LRRK1: variants seen among roughly 807,000 people sequenced by gnomAD.
LRRK1 encodes leucine-rich repeat serine/threonine-protein kinase 1.
LRRK1 carries 113 observed loss-of-function variants against 209.1 expected under a neutral mutation model. That is an observed-to-expected ratio of 0.54 (90% CI 0.46 to 0.63). The LOEUF (loss-of-function observed/expected upper bound fraction) is 0.63. Ranked by LOEUF, LRRK1 falls within the 30% of genes least tolerant of loss-of-function variation. The probability of loss-of-function intolerance (pLI) is 0.00; values close to 1 mark genes in which losing one functional copy is unlikely to be tolerated. For missense variants in LRRK1, 2,284 were observed against 2,632.2 expected (o/e 0.87, Z 2.89); for synonymous variants, 1,144 against 1,099.7 (o/e 1.04, Z -0.80).
intron 2 of LRRK1, among the ~76,000 whole-genome samples, chr15:100,936,079 A>G (rs147911615): frequency 0.01 from 1,562 of 152,246 alleles, 21 homozygotes; most frequent in African/African-American, 0.036. Flanking sequence ...AATAGACTCT[A>G]CCTCCTGGTG....
chr15:100,995,063 G>A (rs2032337819), intron 6 of LRRK1, among the ~76,000 whole-genome samples: 1 of 152,202 alleles, frequency 6.6e-6, no homozygotes, highest in South Asian at 2.1e-4. Context: ...CTGTGACCTT[G>A]TTGAAGTAAC....
At chr15:100,988,375 C>T (rs565345246) in intron 4 of LRRK1, among the ~76,000 whole-genome samples, 32 of 152,248 alleles carry the variant, frequency 2.1e-4, no homozygotes, top group Admixed American at 1.5e-3. Context: ...TTTAGCTCCC[C>T]CTTATAAGTG....
chr15:100,973,928 G>A lies in LRRK1; in HGVS notation c.222G>A (p.Leu74=), dbSNP rs749118732. ...RGDRGGARDL[L]EEACDQCASQ... The stretch of plus-strand genomic sequence containing the variant: ...ACCGCGGCGGCGCCCGGGACCTGCT[G>A]GAGGAGGCCTGCGACCAGTGCGCGT... The change falls in exon 3 of 34, where the codon CTG becomes CTA. Residue 74 remains leucine, a synonymous_variant. Coordinates refer to ENST00000388948, the MANE Select transcript of LRRK1 (RefSeq NM_024652.6). 3.2e-6 allele frequency: 4 copies of A among 1,263,308 alleles called. No individual in the cohort carries two copies. The highest frequency in any genetic ancestry group is 1.5e-5 in the African/African-American group (1 of 64,674). 78.3% of individuals were successfully genotyped at this position (1,263,308 alleles called of 1,614,324 possible).
intron 2 of LRRK1, among the ~76,000 whole-genome samples, chr15:100,964,125 G>A (rs1034667891): frequency 6.6e-6 from 1 of 152,136 alleles, no homozygotes; most frequent in African/African-American, 2.4e-5. Flanking sequence ...GCAGAGCCCG[G>A]CCCTGGCTTT....
intron 16 of LRRK1, 83 bp downstream of exon 16, chr15:101,025,050 C>A: frequency 7.3e-7 from 1 of 1,367,450 alleles, no homozygotes; most frequent in South Asian, 1.5e-5. Context: ...ATCCCCTGTA[C>A]TGAGAAAAAA....
intron 4 of LRRK1, among the ~76,000 whole-genome samples, chr15:100,984,814 T>C (rs2031784399): frequency 6.6e-6 from 1 of 152,040 alleles, no homozygotes; most frequent in African/African-American, 2.4e-5. Flanking sequence ...ACTGCACCAG[T>C]CTAGGCAGGC....
rs544665891 is a variant in LRRK1 at position 101,054,804 on chromosome 15, T to C, written c.4055-142T>C. ...TCCAGCCTGGGTGATAGAGGGAGAC[T>C]CTGTCTCAATAAAAGAAAAAAGAAA... On this transcript the variant is annotated intron_variant, in intron 26 of 33. Transcript: ENST00000388948. The C allele has an allele frequency of 1.5e-4, 109 of 726,170 alleles. No individual in the cohort carries two copies. The African/African-American group carries it at 1.8e-3, about 12-fold the overall frequency. 45.0% of individuals were successfully genotyped at this position (726,170 alleles called of 1,614,324 possible).
At chr15:101,007,320 C>T (rs1288545623) in intron 6 of LRRK1, among the ~76,000 whole-genome samples, 2 of 152,154 alleles carry the variant, frequency 1.3e-5, no homozygotes, top group Non-Finnish European at 2.9e-5. Context: ...CCAGTTGCTT[C>T]GAAGAAACAG....
chr15:101,060,094 G>C (rs148061445), intron 29 of LRRK1, among the ~76,000 whole-genome samples: 1 of 152,270 alleles, frequency 6.6e-6, no homozygotes, highest in African/African-American at 2.4e-5. Context: ...AACTCACTGC[G>C]GCCTGAAGAG....
chr15:100,930,339 C>T (rs973198004), intron 2 of LRRK1, among the ~76,000 whole-genome samples: 1 of 152,226 alleles, frequency 6.6e-6, no homozygotes, highest in African/African-American at 2.4e-5. Flanking sequence ...TTTGACTTCT[C>T]AGTCTGTCTG....
rs1432048430 is a variant in LRRK1, at chr15:101,075,393, C to T, written c.*6545C>T. The T allele has an allele frequency of 8.2e-6, 1 of 122,146 alleles. No individual in the cohort carries two copies. Among genetic ancestry groups the T allele is most frequent in the African/African-American group, 3.8e-5 (1 of 26,648 alleles). 7.6% of individuals were successfully genotyped at this position (122,146 alleles called of 1,614,324 possible). On this transcript the variant is annotated 3_prime_UTR_variant, in exon 34 of 34. Transcript: ENST00000388948. ...TGCCCTTCTTCCCAATCCAAAGCCT[C>T]CTTTGTGTCCTCCTCTTGTATCCCC...
chr15:101,035,460 T>A (rs1217104962), intron 20 of LRRK1, among the ~76,000 whole-genome samples: 1 of 152,208 alleles, frequency 6.6e-6, no homozygotes, highest in Non-Finnish European at 1.5e-5. Flanking sequence ...GATACAAGTA[T>A]AGCGATGTCT....
chr15:101,058,895 C>T (rs909019742), intron 29 of LRRK1, among the ~76,000 whole-genome samples: 1 of 152,016 alleles, frequency 6.6e-6, no homozygotes, highest in African/African-American at 2.4e-5. Flanking sequence ...GGCGCACAGT[C>T]GGTAGTAAAG....
rs116718033 is a variant in LRRK1, at chr15:101,049,484, C to T, written c.3300-160C>T. ...CCGGGGCAAGAACAAGGCAGGGCCA[C>T]GCACACGTACATACAGGGAGGAGTC... On this transcript the variant is annotated intron_variant, in intron 22 of 33. Coordinates refer to ENST00000388948, the MANE Select transcript of LRRK1 (RefSeq NM_024652.6). 1,052 of 722,614 alleles carry T rather than the reference C, an allele frequency of 1.5e-3. 10 individuals are homozygous for T. In the African/African-American group the frequency reaches 0.017, roughly 12 times the overall value. The allele number at this position is 722,614 out of a possible 1,614,324, so 44.8% of individuals were successfully genotyped here. A position where few individuals can be genotyped will look rare whatever the true frequency, so the allele number is the denominator to read the frequency against.
At chr15:101,052,013 C>T in intron 24 of LRRK1, 53 bp downstream of exon 24, 1 of 1,577,760 alleles carries the variant, frequency 6.3e-7, no homozygotes, top group Non-Finnish European at 8.6e-7. Flanking sequence ...GGGGGCGTTC[C>T]TCGCTGTGCA....
intron 2 of LRRK1, among the ~76,000 whole-genome samples, chr15:100,926,991 G>T (rs1393285989): frequency 6.6e-6 from 1 of 152,134 alleles, no homozygotes; most frequent in African/African-American, 2.4e-5. Flanking sequence ...GGCCAGCATG[G>T]CTAATTTTTC....
Position 101,069,062 on chromosome 15 carries a change from C to G in LRRK1, c.*214C>G. Reference sequence around the variant, plus strand: ...GAGCAGAGTTCTCTGAATACCCCATCCCCCAACTGCTGATTTTACAGCCCC... The same window carrying G: ...GAGCAGAGTTCTCTGAATACCCCATGCCCCAACTGCTGATTTTACAGCCCC... On this transcript the variant is annotated 3_prime_UTR_variant, in exon 34 of 34. Transcript: ENST00000388948. The G allele has an allele frequency of 4.4e-6, 2 of 452,896 alleles. No individual in the cohort carries two copies. The highest frequency in any genetic ancestry group is 3.9e-6 in the Non-Finnish European group (1 of 257,940). The allele number at this position is 452,896 out of a possible 1,614,324, so 28.1% of individuals were successfully genotyped here.
chr15:101,072,429 G>T lies in LRRK1; in HGVS notation c.*3581G>T, dbSNP rs1363100831. The stretch of plus-strand genomic sequence containing the variant: ...GCAGGCAGCACTAACTGCTGGACTG[G>T]AATGTTCTCCAAGATATAATAAATG... On this transcript the variant is annotated 3_prime_UTR_variant, in exon 34 of 34. Coordinates refer to ENST00000388948, the MANE Select transcript of LRRK1 (RefSeq NM_024652.6). 3 of 152,236 alleles carry T rather than the reference G, an allele frequency of 2.0e-5. No homozygotes were observed. Among genetic ancestry groups the T allele is most frequent in the Admixed American group, 6.5e-5 (1 of 15,284 alleles). 9.4% of individuals were successfully genotyped at this position (152,236 alleles called of 1,614,324 possible).
chr15:100,938,435 GA>G (rs1175457997), intron 2 of LRRK1, among the ~76,000 whole-genome samples: 1 of 152,028 alleles, frequency 6.6e-6, no homozygotes, highest in Non-Finnish European at 1.5e-5. Context: ...TTGGTGTTGG[GA>G]ACATGCAAAA....
Sources: gnomAD v4.1 joint callset for allele counts (sites outside exome capture counted in the v4.1 genomes callset) on GRCh38, gnomAD v4.1.1 for gene constraint, MANE v1.5 for transcripts, NCBI Gene and HGNC (gene_info 2026-07-23, HGNC 2026-07-21) for gene names.